Variants in BRD1 observed in about 807,000 individuals in gnomAD.
The protein encoded by BRD1 is bromodomain containing 1, also known as bromodomain-containing protein 1.
Under a neutral mutation model 107.7 loss-of-function variants are expected in BRD1, and 24 were observed. That is an observed-to-expected ratio of 0.22 (90% CI 0.16 to 0.31). BRD1 has a LOEUF of 0.31. Ranked by LOEUF, BRD1 falls within the 10% of genes least tolerant of loss-of-function variation. BRD1 has a pLI of 1.00. For synonymous variants in BRD1, 744 were observed against 686.1 expected (o/e 1.08, Z -1.32); for missense variants, 1,279 against 1,638.6 (o/e 0.78, Z 3.79).
rs781061669 is a variant in BRD1, at chr22:49,798,996, G to A, written c.1648C>T (p.Arg550Cys). The A allele has an allele frequency of 1.6e-5, 26 of 1,607,410 alleles. No individual in the cohort carries two copies. The highest frequency in any genetic ancestry group is 9.9e-5 in the South Asian group (9 of 90,826). ...GACAGGCCCAGCCCCACCTGCTCAC[G>A]CTTGAGCTTCTCCCGCTTGCGCAGC... ...ELLRKREKLKREQVKVEQVAM... is the reference protein window; with the variant it reads ...ELLRKREKLKCEQVKVEQVAM... The change falls in exon 4 of 13, where the codon CGT becomes TGT. Residue 550 changes from arginine to cysteine, a missense_variant. Physicochemically the swap from Arg to Cys is radical, Grantham distance 180. Coordinates refer to ENST00000404760, the MANE Select transcript of BRD1 (RefSeq NM_001304808.3).
In BRD1 at chr22:49,787,304, C is replaced by T; in HGVS notation, c.2857+86G>A. Reference sequence around the variant, plus strand: ...TGCAAAAACAGAAGCTGGACACCCCCCCCCCCCCGTCACACCAATGATCCT... The same window carrying T: ...TGCAAAAACAGAAGCTGGACACCCCTCCCCCCCCGTCACACCAATGATCCT... On this transcript the variant is annotated intron_variant, in intron 8 of 12. Transcript: ENST00000404760. The T allele has an allele frequency of 7.2e-6, 6 of 829,462 alleles. 1 individual carries two copies. Among genetic ancestry groups the T allele is most frequent in the Non-Finnish European group, 1.0e-5 (6 of 582,110 alleles). The allele number at this position is 829,462 out of a possible 1,614,324, so 51.4% of individuals were successfully genotyped here. A position where few individuals can be genotyped will look rare whatever the true frequency, so the allele number is the denominator to read the frequency against.
intron 1 of BRD1, among the ~76,000 whole-genome samples, chr22:49,825,001 T>C (rs1022831717): frequency 5.9e-5 from 9 of 152,074 alleles, no homozygotes; most frequent in Non-Finnish European, 1.2e-4. Context: ...CCTGTACTGG[T>C]CTGAGGGGAC....
intron 7 of BRD1, among the ~76,000 whole-genome samples, chr22:49,791,516 AATG>A (rs2059433728): frequency 6.6e-6 from 1 of 152,232 alleles, no homozygotes; most frequent in African/African-American, 2.4e-5. Flanking sequence ...ATTTAAGAAA[AATG>A]ATGGAGAGGC....
At chr22:49,818,028 G>A (rs989524307) in intron 2 of BRD1, among the ~76,000 whole-genome samples, 12 of 152,196 alleles carry the variant, frequency 7.9e-5, no homozygotes, top group Middle Eastern at 3.2e-3. Context: ...AGAATATCTA[G>A]GTATTTAAAG....
At chr22:49,812,880 C>T (rs901451041) in intron 2 of BRD1, among the ~76,000 whole-genome samples, 3 of 152,136 alleles carry the variant, frequency 2.0e-5, no homozygotes, top group Non-Finnish European at 1.5e-5. Context: ...CCACTGTACA[C>T]GGACGCACCA....
chr22:49,810,238 G>T (rs1393982958), intron 2 of BRD1, among the ~76,000 whole-genome samples: 3 of 152,150 alleles, frequency 2.0e-5, no homozygotes, highest in Non-Finnish European at 4.4e-5. Context: ...GAAAACAGTG[G>T]CCAGACGCGG....
chr22:49,790,849 A>G (rs2059420991), intron 7 of BRD1, among the ~76,000 whole-genome samples: 1 of 152,234 alleles, frequency 6.6e-6, no homozygotes, highest in African/African-American at 2.4e-5. Context: ...CCACGTGCTC[A>G]GCGCCCGTGC....
intron 7 of BRD1, among the ~76,000 whole-genome samples, chr22:49,791,746 C>A (rs2059439034): frequency 6.6e-6 from 1 of 151,920 alleles, no homozygotes; most frequent in Non-Finnish European, 1.5e-5. Flanking sequence ...TCTCCAGAGA[C>A]CCCCAACTTC....
chr22:49,800,648 G>A (rs1052282721), intron 3 of BRD1, among the ~76,000 whole-genome samples: 7 of 152,128 alleles, frequency 4.6e-5, no homozygotes, highest in Non-Finnish European at 1.0e-4. Context: ...AAACGCCATC[G>A]GCAGTGGCAG....
rs186838721 is a variant in BRD1, at chr22:49,811,836, C to T, written c.1368-7476G>A. ...GACACACCGCACAGGCGAATTCAGC[C>T]GGCGGTGCTGAGTCTCCCAATTCCT... On this transcript the variant is annotated intron_variant, in intron 2 of 12. Coordinates refer to ENST00000404760, the MANE Select transcript of BRD1 (RefSeq NM_001304808.3). Among the ~76,000 whole-genome samples the T allele has an allele frequency of 9.2e-5, 14 of 152,292 alleles. No homozygotes were observed. In the East Asian group the frequency reaches 2.5e-3, roughly 27 times the overall value.
Position 49,777,222 on chromosome 22 carries a change from C to T in BRD1, c.2994-61G>A, listed in dbSNP as rs141692212. On this transcript the variant is annotated intron_variant, in intron 9 of 12. Coordinates refer to ENST00000404760, the MANE Select transcript of BRD1 (RefSeq NM_001304808.3). ...GCCCCTGCCTTCAGCCTCACTCGGG[C>T]TTCGTCCCGTGAGCTGTCCGCCACC... The T allele has an allele frequency of 1.4e-3, 2,247 of 1,595,898 alleles. 3 individuals carry two copies. Among genetic ancestry groups the T allele is most frequent in the Middle Eastern group, 4.7e-3 (25 of 5,302 alleles).
Position 49,794,022 on chromosome 22 carries a change from A to G in BRD1, c.2359+12T>C. 1 of 1,607,168 alleles carries G rather than the reference A, an allele frequency of 6.2e-7. No homozygotes were observed. The highest frequency in any genetic ancestry group is 1.1e-5 in the South Asian group (1 of 90,562). On this transcript the variant is annotated intron_variant, in intron 7 of 12. Coordinates refer to ENST00000404760, the MANE Select transcript of BRD1 (RefSeq NM_001304808.3). Reference sequence around the variant, plus strand: ...ACGGCAAGAAAGCGGGGCAGCCCTCACCGTGGCTTACCTTCCTCGCCCGCC... The same window carrying G: ...ACGGCAAGAAAGCGGGGCAGCCCTCGCCGTGGCTTACCTTCCTCGCCCGCC...
intron 8 of BRD1, 21 bp from the exon 9 acceptor site, chr22:49,777,834 C>T (rs1207847152): frequency 6.9e-6 from 11 of 1,583,222 alleles, no homozygotes; most frequent in African/African-American, 6.7e-5. Flanking sequence ...GGCGGGCAGG[C>T]CCTGAGCTCA....
At chr22:49,822,423 A>T (rs1429778579) in intron 2 of BRD1, among the ~76,000 whole-genome samples, 3 of 139,824 alleles carry the variant, frequency 2.1e-5, no homozygotes, top group Non-Finnish European at 4.7e-5. Context: ...AACCCTATTT[A>T]AAAAAAAAAA....
In BRD1 at chr22:49,824,569, G is replaced by T; in HGVS notation, c.-14-238C>A. ...GAGGCAGCCTGAGGAGCCCTCCTGA[G>T]CACCTGCGTCCCTACCACCACACAC... On this transcript the variant is annotated intron_variant, in intron 1 of 12. Coordinates refer to ENST00000404760, the MANE Select transcript of BRD1 (RefSeq NM_001304808.3). This position sits in a 1 kb window ranked among gnomAD's most constrained non-coding sequence, Gnocchi z 5.9. 7.4e-7 allele frequency: 1 copy of T among 1,349,476 alleles called. No individual in the cohort carries two copies. 83.6% of individuals were successfully genotyped at this position (1,349,476 alleles called of 1,614,324 possible).
intron 8 of BRD1, among the ~76,000 whole-genome samples, chr22:49,784,359 C>T (rs1281228855): frequency 6.6e-6 from 1 of 152,040 alleles, no homozygotes. Flanking sequence ...CAGAGACTCG[C>T]AGCAGGGGTC....
intron 8 of BRD1, 91 bp downstream of exon 8, chr22:49,787,299 A>AACCC (rs2059344927): frequency 2.0e-4 from 112 of 546,642 alleles, no homozygotes; most frequent in Admixed American, 8.2e-4. Flanking sequence ...GAAGCTGGAC[A>AACCC]CCCCCCCCCC....
rs2239848 is a variant in BRD1 at position 49,823,106 on chromosome 22, G to A, written c.1212C>T (p.Val404=). 0.032 allele frequency: 50,982 copies of A among 1,613,982 alleles called. 4,054 individuals carry two copies. Among genetic ancestry groups the A allele is most frequent in the African/African-American group, 0.29 (21,729 of 74,916 alleles). Reference sequence around the variant, plus strand: ...TTCGACAGACGCCATTTTTCATTTCGACATCCCCGTAAATATTCAGAGGCC... The same window carrying A: ...TTCGACAGACGCCATTTTTCATTTCAACATCCCCGTAAATATTCAGAGGCC... ...TRRPLNIYGD[V]EMKNGVCRKE... is the part of the protein sequence containing the mutation. The change falls in exon 2 of 13, where the codon GTC becomes GTT. Residue 404 remains valine, a synonymous_variant. Transcript: ENST00000404760.
chr22:49,827,763 G>A lies in BRD1; in HGVS notation c.-281C>T, dbSNP rs1391800681. Among the ~76,000 whole-genome samples the A allele has an allele frequency of 1.4e-5, 2 of 138,878 alleles. No homozygotes were observed. Among genetic ancestry groups the A allele is most frequent in the African/African-American group, 5.6e-5 (2 of 35,450 alleles). The allele number at this position is 138,878 out of a possible 152,430, so 91.1% of individuals were successfully genotyped here. A position where few individuals can be genotyped will look rare whatever the true frequency, so the allele number is the denominator to read the frequency against. ...CCCGGCTCGGGGGGCCCGGCCGGCG[G>A]GCGCGGGCGCGGGCGCGGGAGCGGG... On this transcript the variant is annotated 5_prime_UTR_variant, in exon 1 of 13. Transcript: ENST00000404760.
Sources: gnomAD v4.1 joint callset for allele counts (sites outside exome capture counted in the v4.1 genomes callset) on GRCh38, gnomAD v4.1.1 for gene constraint, Gnocchi (gnomAD v3.1) non-coding constraint, MANE v1.5 for transcripts, NCBI Gene and HGNC (gene_info 2026-07-23, HGNC 2026-07-21) for gene names.